CDH13: variants seen among roughly 807,000 people sequenced by gnomAD.
CDH13 encodes the protein cadherin 13.
Under a neutral mutation model 63.8 loss-of-function variants are expected in CDH13, and 24 were observed. The observed-to-expected ratio is 0.38, with a 90% confidence interval of 0.27 to 0.53. The LOEUF (loss-of-function observed/expected upper bound fraction) is 0.53, where lower values mean the gene tolerates loss of function less well. CDH13 is among the 20% of genes least tolerant of loss of function. The pLI is 0.85. For missense variants in CDH13, 1,049 were observed against 903.1 expected (o/e 1.16, Z -2.07); for synonymous variants, 503 against 355.3 (o/e 1.42, Z -4.67).
chr16:82,901,908 T>G (rs1301859945), intron 2 of CDH13, among the ~76,000 whole-genome samples: 1 of 152,212 alleles, frequency 6.6e-6, no homozygotes, highest in African/African-American at 2.4e-5. Flanking sequence ...CAGATACTTT[T>G]CACACAAACA....
chr16:83,486,046 G>A (rs1269003903), intron 6 of CDH13, among the ~76,000 whole-genome samples: 1 of 152,140 alleles, frequency 6.6e-6, no homozygotes, highest in Non-Finnish European at 1.5e-5. Context: ...AGGAGGCTGA[G>A]GCAGGAGAAT....
chr16:82,823,357 C>T (rs572497780), intron 1 of CDH13: 8 of 151,700 alleles, frequency 5.3e-5, no homozygotes, highest in Admixed American at 2.6e-4. Context: ...TATAATCTGA[C>T]GCAGTTACCT....
intron 3 of CDH13, among the ~76,000 whole-genome samples, chr16:83,058,494 C>T (rs542253402): frequency 6.6e-6 from 1 of 152,276 alleles, no homozygotes; most frequent in Admixed American, 6.5e-5. Flanking sequence ...ATGACAGGGG[C>T]GTCGTTTATT....
chr16:83,609,362 G>C (rs1439289018), intron 8 of CDH13, among the ~76,000 whole-genome samples: 2 of 151,262 alleles, frequency 1.3e-5, no homozygotes, highest in Admixed American at 1.3e-4. Context: ...GCAATTTCCA[G>C]TCTTCTTGTG....
chr16:83,223,911 T>A (rs2039772713), intron 5 of CDH13, among the ~76,000 whole-genome samples: 1 of 152,086 alleles, frequency 6.6e-6, no homozygotes, highest in Non-Finnish European at 1.5e-5. Flanking sequence ...AGTGGTGGTT[T>A]GTAAGATTTT....
At chr16:83,704,022 A>G (rs1255368133) in intron 10 of CDH13, among the ~76,000 whole-genome samples, 1 of 152,200 alleles carries the variant, frequency 6.6e-6, no homozygotes, top group African/African-American at 2.4e-5. Context: ...TTCCATAAAG[A>G]CATTTCTTGG....
chr16:83,142,585 G>A lies in CDH13; in HGVS notation c.483+17084G>A, dbSNP rs986889964. Reference sequence around the variant, plus strand: ...GGTCCTTCCTCATGTGTAGCCGTTCGCCTAGTCCTTCTCCAGAGCACTGAT... The same window carrying A: ...GGTCCTTCCTCATGTGTAGCCGTTCACCTAGTCCTTCTCCAGAGCACTGAT... On this transcript the variant is annotated intron_variant, in intron 4 of 13. Transcript: ENST00000567109. Among the ~76,000 whole-genome samples, 7 of 152,260 alleles carry A rather than the reference G, an allele frequency of 4.6e-5. No homozygotes were observed. In the East Asian group the frequency reaches 9.7e-4, roughly 21 times the overall value.
intron 4 of CDH13, among the ~76,000 whole-genome samples, chr16:83,144,755 G>T (rs2036675829): frequency 6.6e-6 from 1 of 152,248 alleles, no homozygotes; most frequent in Non-Finnish European, 1.5e-5. Flanking sequence ...CATCACCTGG[G>T]CTGGGGATCC....
intron 1 of CDH13, among the ~76,000 whole-genome samples, chr16:82,819,741 A>G (rs986388450): frequency 1.3e-5 from 2 of 152,208 alleles, no homozygotes; most frequent in Non-Finnish European, 2.9e-5. Context: ...TTGAATGCCT[A>G]TGCTTTTCCA....
At chr16:82,637,025 C>G (rs976019425) in intron 1 of CDH13, among the ~76,000 whole-genome samples, 3 of 152,158 alleles carry the variant, frequency 2.0e-5, no homozygotes, top group South Asian at 2.1e-4. Flanking sequence ...CTTGGAGGTT[C>G]AAGTGAGTAA....
intron 5 of CDH13, among the ~76,000 whole-genome samples, chr16:83,289,387 A>G (rs1486911773): frequency 1.3e-5 from 2 of 152,150 alleles, no homozygotes; most frequent in Admixed American, 6.5e-5. Flanking sequence ...TGTACATCAC[A>G]ATCATCTTGG....
intron 1 of CDH13, among the ~76,000 whole-genome samples, chr16:82,698,461 A>G (rs890718834): frequency 1.3e-5 from 2 of 152,224 alleles, no homozygotes; most frequent in Admixed American, 6.5e-5. Flanking sequence ...CTCACTGCCC[A>G]TGCATATGGG....
At chr16:83,344,272 A>G (rs948166460) in intron 5 of CDH13, among the ~76,000 whole-genome samples, 1 of 152,336 alleles carries the variant, frequency 6.6e-6, no homozygotes, top group East Asian at 1.9e-4. Flanking sequence ...ATCTGAAAGT[A>G]GTTCCCTATG....
intron 1 of CDH13, among the ~76,000 whole-genome samples, chr16:82,831,372 G>A (rs1371863047): frequency 2.0e-5 from 3 of 151,828 alleles, no homozygotes; most frequent in Non-Finnish European, 2.9e-5. Context: ...TATCTAAGAA[G>A]CTTCTATTTG....
chr16:83,236,660 T>G (rs1482021566), intron 5 of CDH13, among the ~76,000 whole-genome samples: 1 of 152,088 alleles, frequency 6.6e-6, no homozygotes, highest in Admixed American at 6.5e-5. Context: ...TTCTTCCCAC[T>G]TCTGCTTGTT....
At chr16:83,127,653 G>A (rs985377914) in intron 4 of CDH13, among the ~76,000 whole-genome samples, 1 of 152,206 alleles carries the variant, frequency 6.6e-6, no homozygotes, top group Admixed American at 6.5e-5. Context: ...CTTGAACCCA[G>A]GAGGTGGAGG....
chr16:83,064,425 A>G (rs542315454), intron 3 of CDH13, among the ~76,000 whole-genome samples: 2 of 152,310 alleles, frequency 1.3e-5, no homozygotes, highest in African/African-American at 4.8e-5. Context: ...TTTTTTAGCA[A>G]CATCATCCAG....
intron 1 of CDH13, among the ~76,000 whole-genome samples, chr16:82,672,768 T>TACAC (rs58819198): frequency 0.19 from 27,091 of 144,388 alleles, 2,786 homozygotes; most frequent in East Asian, 0.43. Flanking sequence ...TATATATGTG[T>TACAC]ACACACACAC....
chr16:83,147,144 A>G (rs1597416776), intron 4 of CDH13, among the ~76,000 whole-genome samples: 1 of 152,218 alleles, frequency 6.6e-6, no homozygotes, highest in Admixed American at 6.5e-5. Flanking sequence ...ATAGTGTAAC[A>G]TGATTTTTGA....
Sources: gnomAD v4.1 joint callset for allele counts (sites outside exome capture counted in the v4.1 genomes callset) on GRCh38, gnomAD v4.1.1 for gene constraint, MANE v1.5 for transcripts, NCBI Gene and HGNC (gene_info 2026-07-23, HGNC 2026-07-21) for gene names.